The following ABI3BP variants were observed in gnomAD, a reference collection of about 807,000 sequenced individuals.
The protein encoded by ABI3BP is ABI family member 3 binding protein, also known as target of Nesh-SH3.
ABI3BP carries 216 observed loss-of-function variants against 268.6 expected under a neutral mutation model. That is an observed-to-expected ratio of 0.80 (90% CI 0.72 to 0.90). ABI3BP has a LOEUF of 0.90. Ranked by LOEUF, ABI3BP falls within the 40% of genes least tolerant of loss-of-function variation. ABI3BP has a pLI of 0.00. For synonymous variants in ABI3BP, 730 were observed against 730.0 expected (o/e 1.00, Z 0.00); for missense variants, 2,090 against 2,182.4 (o/e 0.96, Z 0.84).
chr3:100,864,731 G>T, intron 11 of ABI3BP, 102 bp downstream of exon 11: 1 of 787,864 alleles, frequency 1.3e-6, no homozygotes, highest in Non-Finnish European at 2.0e-6. Flanking sequence ...AAGTGGGGAG[G>T]GAGAGAGAAG....
Position 100,940,798 on chromosome 3 carries a change from A to C in ABI3BP, c.80-14317T>G, listed in dbSNP as rs1336958360. 7.1e-5 allele frequency among the ~76,000 whole-genome samples: 3 copies of C among 42,546 alleles called. 1 individual carries two copies. The highest frequency in any genetic ancestry group is 1.4e-4 in the Non-Finnish European group (3 of 21,490). 27.9% of individuals were successfully genotyped at this position (42,546 alleles called of 152,430 possible). ...GGAAATTACTTCACTATATATATAT[A>C]TATATATATATATATATATATATAT... On this transcript the variant is annotated intron_variant, in intron 1 of 67. Coordinates refer to ENST00000471714, the MANE Select transcript of ABI3BP (RefSeq NM_001375547.2).
At chr3:100,911,922 G>A in intron 2 of ABI3BP, 1 of 1,290,216 alleles carries the variant, frequency 7.8e-7, no homozygotes. Flanking sequence ...TTTGACATTG[G>A]AGAATATTTT....
chr3:100,753,786 A>G (rs1479171774), intron 65 of ABI3BP, 33 bp downstream of exon 65: 2 of 1,607,502 alleles, frequency 1.2e-6, no homozygotes, highest in Admixed American at 1.7e-5. Context: ...TTAGAAAAGC[A>G]TGTAGTTGTG....
intron 4 of ABI3BP, among the ~76,000 whole-genome samples, chr3:100,893,022 A>G (rs1582242572): frequency 6.6e-6 from 1 of 152,184 alleles, no homozygotes; most frequent in East Asian, 1.9e-4. Context: ...AGGCAGACCC[A>G]CCCTCCATTT....
At chr3:100,879,366 G>T (rs558235450) in intron 6 of ABI3BP, among the ~76,000 whole-genome samples, 1 of 152,250 alleles carries the variant, frequency 6.6e-6, no homozygotes, top group South Asian at 2.1e-4. Context: ...CTTTTGAATG[G>T]CCTGTCCTCT....
At chr3:100,806,591 C>T (rs2097713847) in intron 50 of ABI3BP, among the ~76,000 whole-genome samples, 1 of 152,034 alleles carries the variant, frequency 6.6e-6, no homozygotes, top group African/African-American at 2.4e-5. Flanking sequence ...TTTTTCATGA[C>T]CAGTTTTCAA....
At position 100,894,160 on chromosome 3, in the gene ABI3BP, C is replaced by T. The variant is rs556792273; in HGVS notation, c.461+4602G>A. On this transcript the variant is annotated intron_variant, in intron 4 of 67. Coordinates refer to ENST00000471714, the MANE Select transcript of ABI3BP (RefSeq NM_001375547.2). Reference sequence around the variant, plus strand: ...ATATGGGTACATCTCAAAAGAAAAACGAATGTATCTTCGGGCCTTCATAAA... The same window carrying T: ...ATATGGGTACATCTCAAAAGAAAAATGAATGTATCTTCGGGCCTTCATAAA... Among the ~76,000 whole-genome samples, 7 of 151,956 alleles carry T rather than the reference C, an allele frequency of 4.6e-5. No homozygotes were observed. In the South Asian group the frequency reaches 1.0e-3, roughly 23 times the overall value.
chr3:100,934,827 G>T (rs560347666), intron 1 of ABI3BP, among the ~76,000 whole-genome samples: 1 of 151,944 alleles, frequency 6.6e-6, no homozygotes, highest in Admixed American at 6.6e-5. Flanking sequence ...TTTTTGATGG[G>T]GTTGTTTTCT....
At chr3:100,971,289 A>C (rs1264449663) in intron 1 of ABI3BP, among the ~76,000 whole-genome samples, 1 of 152,216 alleles carries the variant, frequency 6.6e-6, no homozygotes, top group East Asian at 1.9e-4. Context: ...TTCTTCCATT[A>C]TAATGCTACC....
intron 63 of ABI3BP, among the ~76,000 whole-genome samples, chr3:100,756,169 A>G (rs2095605908): frequency 1.3e-5 from 2 of 152,224 alleles, no homozygotes; most frequent in Admixed American, 1.3e-4. Context: ...ATCTTATCCT[A>G]ATTTTCAGCT....
At chr3:100,926,203 G>T in intron 2 of ABI3BP, 99 bp downstream of exon 2, 1 of 1,250,582 alleles carries the variant, frequency 8.0e-7, no homozygotes, top group Non-Finnish European at 1.1e-6. Context: ...AGCTAAGGAT[G>T]TAGAAAAAAT....
intron 66 of ABI3BP, among the ~76,000 whole-genome samples, chr3:100,751,882 C>T (rs911352533): frequency 1.3e-5 from 2 of 152,120 alleles, no homozygotes; most frequent in African/African-American, 2.4e-5. Context: ...AGTTAATGTT[C>T]GTTCTCTCCA....
At chr3:100,984,818 C>T (rs1055623408) in intron 1 of ABI3BP, among the ~76,000 whole-genome samples, 8 of 152,008 alleles carry the variant, frequency 5.3e-5, no homozygotes, top group Non-Finnish European at 8.8e-5. Context: ...CCTGCACTTT[C>T]GGGGCCTTCC....
At chr3:100,765,606 T>C (rs557902807) in intron 63 of ABI3BP, among the ~76,000 whole-genome samples, 2 of 152,338 alleles carry the variant, frequency 1.3e-5, no homozygotes, top group Admixed American at 6.5e-5. Flanking sequence ...TTTTTAAAGA[T>C]GTAATACTGT....
chr3:100,792,543 A>C (rs2097223246), intron 55 of ABI3BP, 148 bp downstream of exon 55: 2 of 726,670 alleles, frequency 2.8e-6, no homozygotes, highest in South Asian at 3.7e-5. Context: ...ATGAGTATTC[A>C]GATTTGGCTG....
Position 100,811,280 on chromosome 3 carries a change from G to A in ABI3BP, c.3494-3C>T. 6.5e-7 allele frequency: 1 copy of A among 1,531,264 alleles called. No homozygotes were observed. Among genetic ancestry groups the A allele is most frequent in the Non-Finnish European group, 8.7e-7 (1 of 1,144,632 alleles). The allele number at this position is 1,531,264 out of a possible 1,614,324, so 94.9% of individuals were successfully genotyped here. On this transcript the variant is annotated splice_region_variant and splice_polypyrimidine_tract_variant and intron_variant, in intron 47 of 67. Transcript: ENST00000471714. ...TACATATGTAATAGATTCCACAACTGTACCAAAACAAAGGAGAAAAATTTT... is the reference window on the plus strand; with the variant it reads ...TACATATGTAATAGATTCCACAACTATACCAAAACAAAGGAGAAAAATTTT...
At chr3:100,827,752 A>T (rs1013944315) in intron 34 of ABI3BP, among the ~76,000 whole-genome samples, 1 of 152,130 alleles carries the variant, frequency 6.6e-6, no homozygotes, top group Admixed American at 6.6e-5. Flanking sequence ...ATTAATTCAG[A>T]TACTTAGGAT....
At chr3:100,964,556 G>A (rs1193562805) in intron 1 of ABI3BP, among the ~76,000 whole-genome samples, 2 of 152,028 alleles carry the variant, frequency 1.3e-5, no homozygotes, top group Non-Finnish European at 2.9e-5. Flanking sequence ...ATGCAACAAC[G>A]AACTCCAGGG....
chr3:100,773,655 A>G (rs1417165718), intron 61 of ABI3BP, among the ~76,000 whole-genome samples: 4 of 152,250 alleles, frequency 2.6e-5, no homozygotes, highest in Non-Finnish European at 5.9e-5. Flanking sequence ...GAATGGTCAT[A>G]ATAGCTTTAT....
Sources: allele counts gnomAD v4.1 joint callset (sites outside exome capture counted in the v4.1 genomes callset), GRCh38; gene constraint gnomAD v4.1.1; transcripts MANE v1.5; gene names NCBI Gene and HGNC (gene_info 2026-07-23, HGNC 2026-07-21).